PLCB4: variants seen among roughly 807,000 people sequenced by gnomAD.
PLCB4 encodes the protein phospholipase C beta 4, also known as 1-phosphatidylinositol 4,5-bisphosphate phosphodiesterase beta-4.
In PLCB4, 77 loss-of-function variants were observed where a neutral mutation model predicts 178.8. That is an observed-to-expected ratio of 0.43 (90% confidence interval 0.36 to 0.52). The LOEUF (loss-of-function observed/expected upper bound fraction) is 0.52, where lower values mean the gene tolerates loss of function less well. Among genes scored for constraint, PLCB4 ranks in the 20% least tolerant of loss-of-function variants. The pLI, the probability that PLCB4 is intolerant of heterozygous loss-of-function variation, is 0.00. For missense variants in PLCB4, 1,024 were observed against 1,453.4 expected (o/e 0.70, Z 4.80); for synonymous variants, 496 against 490.8 (o/e 1.01, Z -0.14).
intron 28 of PLCB4, among the ~76,000 whole-genome samples, chr20:9,427,128 G>A (rs1477930937): frequency 6.6e-6 from 1 of 152,160 alleles, no homozygotes. Context: ...TGCAGGCTGA[G>A]GCACAAGAAT....
chr20:9,111,130 C>G (rs1393376543), intron 2 of PLCB4, among the ~76,000 whole-genome samples: 1 of 152,160 alleles, frequency 6.6e-6, no homozygotes, highest in African/African-American at 2.4e-5. Context: ...AGATTTGTCA[C>G]AGACACCCCC....
At chr20:9,148,152 A>G (rs543163366) in intron 2 of PLCB4, among the ~76,000 whole-genome samples, 1 of 152,126 alleles carries the variant, frequency 6.6e-6, no homozygotes, top group Admixed American at 6.6e-5. Flanking sequence ...TCGTGTTGGC[A>G]GTCGTGAAGG....
At chr20:9,201,349 T>A (rs1045435674) in intron 2 of PLCB4, among the ~76,000 whole-genome samples, 3 of 152,112 alleles carry the variant, frequency 2.0e-5, no homozygotes, top group African/African-American at 7.2e-5. Context: ...TTATCAATAA[T>A]GTAGGATTTT....
intron 2 of PLCB4, among the ~76,000 whole-genome samples, chr20:9,098,502 A>G (rs1387426779): frequency 6.6e-6 from 1 of 151,862 alleles, no homozygotes; most frequent in Non-Finnish European, 1.5e-5. Context: ...TTAGGAGCAC[A>G]TTCTGGAAAA....
chr20:9,161,293 ATT>A (rs1455255225), intron 2 of PLCB4, among the ~76,000 whole-genome samples: 3 of 152,176 alleles, frequency 2.0e-5, no homozygotes, highest in African/African-American at 7.2e-5. Context: ...TGAGAACTGC[ATT>A]TTATAGTTAG....
At chr20:9,450,397 T>C (rs1054964141) in intron 32 of PLCB4, among the ~76,000 whole-genome samples, 1 of 152,166 alleles carries the variant, frequency 6.6e-6, no homozygotes, top group Non-Finnish European at 1.5e-5. Flanking sequence ...ACAAGTGGTG[T>C]CTGGGAATCA....
chr20:9,348,182 A>G (rs1028890681), intron 7 of PLCB4, among the ~76,000 whole-genome samples: 1 of 152,200 alleles, frequency 6.6e-6, no homozygotes, highest in Non-Finnish European at 1.5e-5. Flanking sequence ...GAGAGGTGAC[A>G]GAAGTCATTC....
At chr20:9,311,268 A>G (rs1402375844) in intron 4 of PLCB4, among the ~76,000 whole-genome samples, 1 of 152,136 alleles carries the variant, frequency 6.6e-6, no homozygotes, top group African/African-American at 2.4e-5. Context: ...GCTACCATTC[A>G]GTTTCCAGGA....
rs1423086000 is a variant in PLCB4 at position 9,473,318 on chromosome 20, A to G, written c.3448A>G (p.Lys1150Glu). 2.5e-6 allele frequency: 4 copies of G among 1,605,404 alleles called. No homozygotes were observed. The African/African-American group carries it at 4.0e-5, about 16-fold the overall frequency. ...KQSKEMDQLK[K>E]VQLEHLEFLE... ...GTCCAAAGAAATGGATCAGTTGAAA[A>G]AAGTCCAGCTTGAACATCTAGAATT... The change falls in exon 38 of 40, where the codon AAA (lysine) becomes GAA (glutamate). Residue 1150 changes from lysine to glutamate, a missense_variant. Physicochemically the swap from Lys to Glu is moderately conservative, Grantham distance 56. This residue lies in a region of PLCB4 where 264 missense variants were observed against 283.2 expected (regional missense o/e 0.93). Coordinates refer to ENST00000378473, the MANE Select transcript of PLCB4 (RefSeq NM_001377142.1).
chr20:9,206,244 G>A (rs575016926), intron 2 of PLCB4, among the ~76,000 whole-genome samples: 1 of 149,048 alleles, frequency 6.7e-6, no homozygotes, highest in Admixed American at 6.7e-5. Context: ...TTTCAAGAGA[G>A]TAAAATTATC....
chr20:9,242,137 G>A (rs1460705043), intron 3 of PLCB4, among the ~76,000 whole-genome samples: 3 of 152,160 alleles, frequency 2.0e-5, no homozygotes, highest in South Asian at 2.1e-4. Context: ...AAGGTGAACC[G>A]TAGAGTCAGA....
At chr20:9,462,838 ACT>A (rs2043492579) in intron 35 of PLCB4, among the ~76,000 whole-genome samples, 1 of 152,168 alleles carries the variant, frequency 6.6e-6, no homozygotes, top group Non-Finnish European at 1.5e-5. Flanking sequence ...GTTGGAAAAC[ACT>A]CTTTAGGATA....
rs535505377 is a variant in PLCB4 at position 9,093,755 on chromosome 20, T to A, written c.-134-2532T>A. Among the ~76,000 whole-genome samples the A allele has an allele frequency of 1.5e-4, 23 of 152,088 alleles. 1 individual carries two copies. In the South Asian group the frequency reaches 4.8e-3, roughly 32 times the overall value. On this transcript the variant is annotated intron_variant, in intron 1 of 39. Coordinates refer to ENST00000378473, the MANE Select transcript of PLCB4 (RefSeq NM_001377142.1). ...CCTGCTTTTTATTTTATGGCGAGGG[T>A]CAGGTTTCCAGTAGTGGCATCTGGC...
At chr20:9,422,500 C>T (rs1247069196) in intron 27 of PLCB4, among the ~76,000 whole-genome samples, 1 of 152,136 alleles carries the variant, frequency 6.6e-6, no homozygotes, top group Non-Finnish European at 1.5e-5. Context: ...GATCCGTTAC[C>T]AGTATGGCTA....
At position 9,390,564 on chromosome 20, in the gene PLCB4, C is replaced by T. The variant is rs746460125; in HGVS notation, c.1272C>T (p.Cys424=). The change falls in exon 17 of 40, where the codon TGC becomes TGT. Residue 424 remains cysteine, a synonymous_variant. Transcript: ENST00000378473. ...KYQQYKMSKY[C]EDLFGDLLLK... ...AACAGTACAAGATGTCCAAATATTG[C>T]GAAGATCTATTTGGGGATCTCCTGT... 5.7e-6 allele frequency: 9 copies of T among 1,590,214 alleles called. No homozygotes were observed. Among genetic ancestry groups the T allele is most frequent in the East Asian group, 4.5e-5 (2 of 44,720 alleles).
chr20:9,220,035 C>CT (rs1416534660), intron 3 of PLCB4, among the ~76,000 whole-genome samples: 3 of 151,692 alleles, frequency 2.0e-5, no homozygotes, highest in Non-Finnish European at 4.4e-5. Flanking sequence ...CAAAACAAAA[C>CT]AGTGTTGGTC....
intron 2 of PLCB4, among the ~76,000 whole-genome samples, chr20:9,127,184 T>TGC (rs899726260): frequency 6.6e-6 from 1 of 152,078 alleles, no homozygotes; most frequent in Non-Finnish European, 1.5e-5. Flanking sequence ...CTCTAAGGTG[T>TGC]GCACAAATCA....
chr20:9,087,153 G>A (rs6056395), intron 1 of PLCB4, among the ~76,000 whole-genome samples: 75,341 of 152,070 alleles, frequency 0.5, 19,076 homozygotes, highest in Middle Eastern at 0.57. Context: ...TAGATGGAAT[G>A]TTTAGTCCAT....
chr20:9,231,220 G>T (rs2093928133), intron 3 of PLCB4, among the ~76,000 whole-genome samples: 1 of 152,136 alleles, frequency 6.6e-6, no homozygotes, highest in Non-Finnish European at 1.5e-5. Flanking sequence ...AGAAGTCTGG[G>T]TGATAGTTCC....
Sources: allele counts gnomAD v4.1 joint callset (sites outside exome capture counted in the v4.1 genomes callset), GRCh38; gene constraint gnomAD v4.1.1; regional missense constraint gnomAD v4.1.1; transcripts MANE v1.5; gene names NCBI Gene and HGNC (gene_info 2026-07-23, HGNC 2026-07-21).